Variants in VCAN observed in about 807,000 individuals in gnomAD.
The protein encoded by VCAN is versican, also known as versican core protein.
VCAN carries 44 observed loss-of-function variants against 245.5 expected under a neutral mutation model. The ratio of observed to expected loss-of-function variants is 0.18; its 90% confidence interval spans 0.14 to 0.23. VCAN has a LOEUF of 0.23. Among genes scored for constraint, VCAN ranks in the 10% least tolerant of loss-of-function variants. The pLI, the probability that VCAN is intolerant of heterozygous loss-of-function variation, is 1.00. For missense variants in VCAN, 3,793 were observed against 4,057.9 expected, an observed-to-expected ratio of 0.93 and a Z score of 1.77; for synonymous variants, 1,413 against 1,437.0, an observed-to-expected ratio of 0.98 and a Z score of 0.38.
chr5:83,480,542 G>C lies in VCAN; in HGVS notation c.-6-2971G>C, dbSNP rs556337631. Among the ~76,000 whole-genome samples, 3 of 152,278 alleles carry C rather than the reference G, an allele frequency of 2.0e-5. No homozygotes were observed. The East Asian group carries it at 5.8e-4, about 29-fold the overall frequency. On this transcript the variant is annotated intron_variant, in intron 1 of 14. Transcript: ENST00000265077. Reference sequence around the variant, plus strand: ...GGCACGGAGTTTCAAAGGTGTTTCTGCATAAGAAATAGAGGCGTTGATCAT... The same window carrying C: ...GGCACGGAGTTTCAAAGGTGTTTCTCCATAAGAAATAGAGGCGTTGATCAT...
At chr5:83,484,579 C>G (rs1744731851) in intron 2 of VCAN, among the ~76,000 whole-genome samples, 1 of 152,124 alleles carries the variant, frequency 6.6e-6, no homozygotes, top group Admixed American at 6.6e-5. Context: ...TTCCCACTCA[C>G]CCATTCATCT....
At chr5:83,562,250 T>C (rs1277165489) in intron 12 of VCAN, 1 of 152,146 alleles carries the variant, frequency 6.6e-6, no homozygotes, top group African/African-American at 2.4e-5. Context: ...TACTCATGAG[T>C]GGAAGAATTC....
intron 13 of VCAN, among the ~76,000 whole-genome samples, chr5:83,576,198 A>G (rs1036019229): frequency 4.6e-5 from 7 of 152,026 alleles, no homozygotes; most frequent in African/African-American, 1.7e-4. Context: ...CTCAACTCCC[A>G]CCAGAGATAA....
At chr5:83,533,569 G>T (rs563798349) in intron 7 of VCAN, among the ~76,000 whole-genome samples, 5 of 152,222 alleles carry the variant, frequency 3.3e-5, no homozygotes, top group African/African-American at 9.6e-5. Flanking sequence ...TACATTCTGG[G>T]CAGCATGCAT....
rs1746982662 is a variant in VCAN, at chr5:83,541,366, T to C, written c.8363T>C (p.Met2788Thr). The C allele has an allele frequency of 6.2e-7, 1 of 1,614,022 alleles. No individual in the cohort carries two copies. The highest frequency in any genetic ancestry group is 8.5e-7 in the Non-Finnish European group (1 of 1,180,012). The change falls in exon 8 of 15, where the codon ATG (methionine) becomes ACG (threonine). Residue 2788 changes from methionine (M) to threonine (T), a missense_variant. Met to Thr is a moderately conservative substitution (Grantham distance 81). Transcript: ENST00000265077. Reference sequence around the variant, plus strand: ...CTAAGTATTGCTACTACCCACCTTATGGATCAGAGTGTAACAGAGGTGCCT... The same window carrying C: ...CTAAGTATTGCTACTACCCACCTTACGGATCAGAGTGTAACAGAGGTGCCT... ...PYLSIATTHLMDQSVTEVPDV... is the reference protein window; with the variant it reads ...PYLSIATTHLTDQSVTEVPDV...
At chr5:83,502,239 C>T (rs1345732184) in intron 5 of VCAN, among the ~76,000 whole-genome samples, 1 of 152,074 alleles carries the variant, frequency 6.6e-6, no homozygotes, top group African/African-American at 2.4e-5. Context: ...TCTTACTTTA[C>T]ATAAGTAGAA....
At chr5:83,477,393 T>G (rs1299671283) in intron 1 of VCAN, among the ~76,000 whole-genome samples, 1 of 152,090 alleles carries the variant, frequency 6.6e-6, no homozygotes, top group Non-Finnish European at 1.5e-5. Context: ...GGACATTCAG[T>G]GGAAAGGAAG....
chr5:83,540,803 G>A lies in VCAN; in HGVS notation c.7800G>A (p.Glu2600=). The A allele has an allele frequency of 6.2e-7, 1 of 1,613,932 alleles. No individual in the cohort carries two copies. The highest frequency in any genetic ancestry group is 2.2e-5 in the East Asian group (1 of 44,816). Reference sequence around the variant, plus strand: ...GAATGCAAACAGATATAGATACAGAGGTACCATCAGAACCACATGACAGTA... The same window carrying A: ...GAATGCAAACAGATATAGATACAGAAGTACCATCAGAACCACATGACAGTA... ...ILGMQTDIDT[E]VPSEPHDSND... Residue 2600 remains glutamate (E), a synonymous_variant, in exon 8 of 15, where the codon GAG becomes GAA. Coordinates refer to ENST00000265077, the MANE Select transcript of VCAN (RefSeq NM_004385.5).
At position 83,522,268 on chromosome 5, in the gene VCAN, A is replaced by G. The variant is rs1746138469; in HGVS notation, c.3962A>G (p.Asp1321Gly). The G allele has an allele frequency of 6.3e-7, 1 of 1,599,516 alleles. No individual in the cohort carries two copies. Among genetic ancestry groups the G allele is most frequent in the Admixed American group, 1.7e-5 (1 of 59,976 alleles). ...CCAGCAAGCACAAAATTTCACCCTGACATTAATGTTTATATTATTGAGGTC... is the reference window on the plus strand; with the variant it reads ...CCAGCAAGCACAAAATTTCACCCTGGCATTAATGTTTATATTATTGAGGTC... ...QPPASTKFHP[D>G]INVYIIEVRE... The change falls in exon 7 of 15, where the codon GAC (aspartate) becomes GGC (glycine). Residue 1321 changes from aspartate (D) to glycine (G), a missense_variant. Around this residue, in one of 5 missense-constraint regions of VCAN, gnomAD observed 3,182 missense variants for 3,250.3 expected, o/e 0.98. Coordinates refer to ENST00000265077, the MANE Select transcript of VCAN (RefSeq NM_004385.5).
chr5:83,512,499 G>A (rs1048681756), intron 6 of VCAN, 103 bp downstream of exon 6: 1 of 1,366,654 alleles, frequency 7.3e-7, no homozygotes, highest in African/African-American at 1.4e-5. Context: ...ATGTCTTGCA[G>A]TGTGTGCACG....
intron 7 of VCAN, among the ~76,000 whole-genome samples, chr5:83,527,140 C>T (rs1746332367): frequency 6.6e-6 from 1 of 152,202 alleles, no homozygotes; most frequent in South Asian, 2.1e-4. Flanking sequence ...ACTGGTTTCT[C>T]ATTGGCATTC....
At chr5:83,558,530 A>C (rs1747755678) in intron 12 of VCAN, among the ~76,000 whole-genome samples, 1 of 152,134 alleles carries the variant, frequency 6.6e-6, no homozygotes, top group South Asian at 2.1e-4. Context: ...GTGTCTTTTG[A>C]TATTTAGCCT....
intron 11 of VCAN, 74 bp downstream of exon 11, chr5:83,553,596 T>C (rs1448852804): frequency 3.1e-6 from 5 of 1,592,422 alleles, no homozygotes; most frequent in Non-Finnish European, 4.3e-6. Context: ...TGTGTGCAAG[T>C]GAAAAGAAGT....
At position 83,539,241 on chromosome 5, in the gene VCAN, G is replaced by C; in HGVS notation, c.6238G>C (p.Val2080Leu). The C allele has an allele frequency of 6.2e-7, 1 of 1,614,024 alleles. No individual in the cohort carries two copies. The highest frequency in any genetic ancestry group is 8.5e-7 in the Non-Finnish European group (1 of 1,179,966). Residue 2080 changes from valine to leucine, a missense_variant, in exon 8 of 15, where the codon GTC (valine) becomes CTC (leucine). This residue lies in a region of VCAN where 3,182 missense variants were observed against 3,250.3 expected (regional missense o/e 0.98). Coordinates refer to ENST00000265077, the MANE Select transcript of VCAN (RefSeq NM_004385.5). ...KAPVEKEEVK[V>L]SGTVSTNFPQ... ...TCCAGTAGAGAAGGAGGAAGTAAAG[G>C]TCAGTGGCACAGTTTCAACAAACTT...
In VCAN at chr5:83,522,295, G is replaced by C; in HGVS notation, c.3989G>C (p.Arg1330Thr). ...ATTAATGTTTATATTATTGAGGTCA[G>C]AGAAAATAAGACAGGTAAGTCTTTG... The part of the protein sequence containing the change: ...PDINVYIIEV[R>T]ENKTGRMSDL... Residue 1330 changes from arginine to threonine, a missense_variant, in exon 7 of 15, where the codon AGA becomes ACA. Physicochemically the swap from Arg to Thr is moderately conservative, Grantham distance 71. Transcript: ENST00000265077. The C allele has an allele frequency of 1.3e-6, 2 of 1,598,810 alleles. No homozygotes were observed. Among genetic ancestry groups the C allele is most frequent in the Non-Finnish European group, 1.7e-6 (2 of 1,179,872 alleles).
At position 83,540,984 on chromosome 5, in the gene VCAN, A is replaced by C. The variant is rs1402773257; in HGVS notation, c.7981A>C (p.Ser2661Arg). 1 of 1,614,124 alleles carries C rather than the reference A, an allele frequency of 6.2e-7. No homozygotes were observed. The highest frequency in any genetic ancestry group is 1.1e-5 in the South Asian group (1 of 91,076). ...TGAATCAATGACTTATGAAGATAGAAGCCAACTAGATCACATGGGCTTTCA... is the reference window on the plus strand; with the variant it reads ...TGAATCAATGACTTATGAAGATAGACGCCAACTAGATCACATGGGCTTTCA... Reference protein sequence around the residue: ...HDESMTYEDRSQLDHMGFHFT... With the variant: ...HDESMTYEDRRQLDHMGFHFT... Residue 2661 changes from serine (S) to arginine (R), a missense_variant, in exon 8 of 15, where the codon AGC (serine) becomes CGC (arginine). Ser to Arg is a moderately radical substitution (Grantham distance 110). Transcript: ENST00000265077.
At chr5:83,488,081 G>A (rs2112350082) in intron 2 of VCAN, among the ~76,000 whole-genome samples, 1 of 152,212 alleles carries the variant, frequency 6.6e-6, no homozygotes, top group Admixed American at 6.5e-5. Context: ...AGGAAGATGA[G>A]ATTTTCTGGA....
At chr5:83,565,678 A>C (rs1748052941) in intron 12 of VCAN, among the ~76,000 whole-genome samples, 1 of 152,138 alleles carries the variant, frequency 6.6e-6, no homozygotes, top group Non-Finnish European at 1.5e-5. Context: ...AAATGGGTTG[A>C]GTATTATAAA....
intron 2 of VCAN, 92 bp downstream of exon 2, chr5:83,483,680 G>A: frequency 2.5e-6 from 3 of 1,220,448 alleles, no homozygotes; most frequent in Non-Finnish European, 3.6e-6. Flanking sequence ...TGGAATAAAA[G>A]ATTGATTTTT....
Sources: gnomAD v4.1 joint callset for allele counts (sites outside exome capture counted in the v4.1 genomes callset) on GRCh38, gnomAD v4.1.1 for gene constraint, gnomAD v4.1.1 regional missense constraint, MANE v1.5 for transcripts, NCBI Gene and HGNC (gene_info 2026-07-23, HGNC 2026-07-21) for gene names.